Variants in UBE2Q2 observed in about 807,000 individuals in gnomAD.
UBE2Q2 encodes the protein ubiquitin conjugating enzyme E2 Q2.
Under a neutral mutation model 59.9 loss-of-function variants are expected in UBE2Q2, and 54 were observed. The observed-to-expected ratio is 0.90, with a 90% CI of 0.72 to 1.13. The LOEUF is 1.13. UBE2Q2 is among the 50% of genes most tolerant of loss of function. The pLI, the probability that UBE2Q2 is intolerant of heterozygous loss-of-function variation, is 0.00. For missense variants in UBE2Q2, 433 were observed against 441.9 expected (o/e 0.98, Z 0.18); for synonymous variants, 165 against 155.2 (o/e 1.06, Z -0.47).
Position 75,866,296 on chromosome 15 carries a change from CTTGAGT to C in UBE2Q2, c.388-2654_388-2649del, listed in dbSNP as rs1897475559. On this transcript the variant is annotated intron_variant, in intron 3 of 12. Coordinates refer to ENST00000267938, the MANE Select transcript of UBE2Q2 (RefSeq NM_173469.4). ...ATAAGCAGTCCTCCCACCTCAGCCT[CTTGAGT>C]AGCTGGGACTACAGGTGTGCACTGC... Among the ~76,000 whole-genome samples the C allele has an allele frequency of 3.3e-5, 5 of 152,160 alleles. No individual in the cohort carries two copies. In the South Asian group the frequency reaches 1.0e-3, roughly 32 times the overall value.
At chr15:75,893,076 A>G (rs1899193311) in intron 11 of UBE2Q2, among the ~76,000 whole-genome samples, 1 of 152,154 alleles carries the variant, frequency 6.6e-6, no homozygotes, top group African/African-American at 2.4e-5. Flanking sequence ...CCAGGAGGAG[A>G]TATTAGAATT....
rs146555735 is a variant in UBE2Q2, at chr15:75,897,046, A to G, written c.1081A>G (p.Ile361Val). 1.2e-3 allele frequency: 1,850 copies of G among 1,565,182 alleles called. 3 individuals are homozygous for G. Among genetic ancestry groups the G allele is most frequent in the Non-Finnish European group, 1.3e-3 (1,512 of 1,152,906 alleles). The stretch of plus-strand genomic sequence containing the variant: ...ACAATCCTATAATTCCATTGTACAG[A>G]TACATGAGAAAAATGGTATGTTTAA... ...AQQSYNSIVQ[I>V]HEKNGWYTPP... The change falls in exon 12 of 13, where the codon ATA becomes GTA. Residue 361 changes from isoleucine to valine, a missense_variant. Physicochemically the swap from Ile to Val is conservative, Grantham distance 29. Coordinates refer to ENST00000267938, the MANE Select transcript of UBE2Q2 (RefSeq NM_173469.4).
chr15:75,882,109 C>G (rs1352298334), intron 8 of UBE2Q2, among the ~76,000 whole-genome samples: 1 of 152,132 alleles, frequency 6.6e-6, no homozygotes, highest in Non-Finnish European at 1.5e-5. Context: ...AGTCAAATTA[C>G]AAAGAGGTGA....
intron 9 of UBE2Q2, among the ~76,000 whole-genome samples, chr15:75,884,137 A>T (rs1169173337): frequency 6.6e-6 from 1 of 152,328 alleles, no homozygotes; most frequent in South Asian, 2.1e-4. Flanking sequence ...TGGGGAAAAG[A>T]TCACAATTTG....
rs142127873 is a variant in UBE2Q2, at chr15:75,858,636, GTCTT to G, written c.283-1237_283-1234del. 3.9e-3 allele frequency among the ~76,000 whole-genome samples: 589 copies of G among 152,230 alleles called. 2 individuals carry two copies. Among genetic ancestry groups the G allele is most frequent in the African/African-American group, 0.013 (544 of 41,510 alleles). ...AAATTCGTGGAGAGTGTACTACCCT[GTCTT>G]TCTTGTTGCTTGGTATGACTCCACT... On this transcript the variant is annotated intron_variant, in intron 2 of 12. Coordinates refer to ENST00000267938, the MANE Select transcript of UBE2Q2 (RefSeq NM_173469.4).
At chr15:75,844,048 C>A (rs1249385530) in intron 1 of UBE2Q2, 10 of 1,408,466 alleles carry the variant, frequency 7.1e-6, no homozygotes, top group Non-Finnish European at 8.3e-6. Context: ...GAGGGCGCGT[C>A]TTTCCGGCTT....
At chr15:75,869,632 T>G (rs1256194188) in intron 4 of UBE2Q2, among the ~76,000 whole-genome samples, 1 of 152,216 alleles carries the variant, frequency 6.6e-6, no homozygotes, top group Non-Finnish European at 1.5e-5. Context: ...TAGTCCATTG[T>G]GTGAAGCCTC....
chr15:75,846,954 CCTTACCCCATTTGT>C (rs1896384685), intron 1 of UBE2Q2, among the ~76,000 whole-genome samples: 1 of 152,168 alleles, frequency 6.6e-6, no homozygotes, highest in South Asian at 2.1e-4. Context: ...CACCCCTTAA[CCTTACCCCATTTGT>C]CTTTATATGC....
At chr15:75,894,629 A>G (rs568880326) in intron 11 of UBE2Q2, among the ~76,000 whole-genome samples, 1 of 152,008 alleles carries the variant, frequency 6.6e-6, no homozygotes, top group Non-Finnish European at 1.5e-5. Flanking sequence ...TATTAAAGAT[A>G]TACAAGCAGA....
chr15:75,852,427 G>A (rs1183644623), intron 1 of UBE2Q2, among the ~76,000 whole-genome samples: 1 of 152,108 alleles, frequency 6.6e-6, no homozygotes, highest in African/African-American at 2.4e-5. Flanking sequence ...ATTGAAATAG[G>A]TACTTAGATC....
intron 1 of UBE2Q2, among the ~76,000 whole-genome samples, chr15:75,846,231 CTT>C (rs1201047085): frequency 6.6e-6 from 1 of 152,084 alleles, no homozygotes; most frequent in African/African-American, 2.4e-5. Flanking sequence ...GTAAAAGACT[CTT>C]TTATTTTTTA....
At chr15:75,852,240 T>C (rs1359454086) in intron 1 of UBE2Q2, among the ~76,000 whole-genome samples, 1 of 152,164 alleles carries the variant, frequency 6.6e-6, no homozygotes, top group Non-Finnish European at 1.5e-5. Context: ...GCCTTTCCTG[T>C]GCATAGTGAA....
At position 75,898,700 on chromosome 15, in the gene UBE2Q2, C is replaced by T. The variant is rs79063526; in HGVS notation, c.1097-727C>T. Among the ~76,000 whole-genome samples, 1,276 of 152,232 alleles carry T rather than the reference C, an allele frequency of 8.4e-3. 58 individuals carry two copies. The East Asian group carries it at 0.14, about 17-fold the overall frequency. On this transcript the variant is annotated intron_variant, in intron 12 of 12. Coordinates refer to ENST00000267938, the MANE Select transcript of UBE2Q2 (RefSeq NM_173469.4). The stretch of plus-strand genomic sequence containing the variant: ...TCATTGTGAAATGACGTTATGGCTC[C>T]GATAACAGTCCAAGTTCCTTGTATT...
intron 1 of UBE2Q2, among the ~76,000 whole-genome samples, chr15:75,846,557 A>G (rs1896358907): frequency 6.6e-6 from 1 of 152,202 alleles, no homozygotes; most frequent in African/African-American, 2.4e-5. Context: ...TTTTGATAAA[A>G]TGACATGGCT....
chr15:75,898,142 G>C (rs1203417905), intron 12 of UBE2Q2, among the ~76,000 whole-genome samples: 1 of 152,132 alleles, frequency 6.6e-6, no homozygotes, highest in East Asian at 1.9e-4. Context: ...ACAGTACTTA[G>C]TCTAATTTGC....
At chr15:75,870,979 G>A (rs1168479598) in intron 4 of UBE2Q2, among the ~76,000 whole-genome samples, 3 of 152,168 alleles carry the variant, frequency 2.0e-5, no homozygotes, top group South Asian at 2.1e-4. Context: ...GGAAACCAGC[G>A]TTCAGCATAT....
intron 8 of UBE2Q2, among the ~76,000 whole-genome samples, chr15:75,880,922 T>A (rs1898376009): frequency 6.6e-6 from 1 of 152,248 alleles, no homozygotes; most frequent in South Asian, 2.1e-4. Flanking sequence ...CTTTTTTATG[T>A]GTGTGTTTTT....
intron 8 of UBE2Q2, among the ~76,000 whole-genome samples, chr15:75,882,013 T>A (rs1215048253): frequency 3.3e-5 from 5 of 152,208 alleles, no homozygotes; most frequent in South Asian, 2.1e-4. Context: ...GTTGATGTTA[T>A]CTTGTCTTCA....
chr15:75,877,097 G>A (rs1322675819), intron 6 of UBE2Q2, among the ~76,000 whole-genome samples: 2 of 140,504 alleles, frequency 1.4e-5, no homozygotes, highest in African/African-American at 2.6e-5. Context: ...GGAGGCAGAG[G>A]CTGTAGTGAG....
Sources: allele counts gnomAD v4.1 joint callset (sites outside exome capture counted in the v4.1 genomes callset), GRCh38; gene constraint gnomAD v4.1.1; transcripts MANE v1.5; gene names NCBI Gene and HGNC (gene_info 2026-07-23, HGNC 2026-07-21).